FRMPD4: variants seen among roughly 807,000 people sequenced by gnomAD.
The protein encoded by FRMPD4 is FERM and PDZ domain containing 4, also known as FERM and PDZ domain-containing protein 4.
FRMPD4 carries 22 observed loss-of-function variants against 94.1 expected under a neutral mutation model. The observed-to-expected ratio is 0.23, with a 90% CI of 0.17 to 0.33. The LOEUF is 0.33. Among genes scored for constraint, FRMPD4 ranks in the 10% least tolerant of loss-of-function variants. The pLI is 1.00. For synonymous variants in FRMPD4, 631 were observed against 548.6 expected (o/e 1.15, Z -2.10); for missense variants, 1,111 against 1,339.9 (o/e 0.83, Z 2.67).
intron 1 of FRMPD4, among the ~76,000 whole-genome samples, chrX:12,144,857 G>A (rs914886167): frequency 1.8e-5 from 2 of 108,769 alleles, no homozygotes; most frequent in Non-Finnish European, 3.8e-5. Context: ...CTGTTTTACT[G>A]CTTTAAGCTC....
intron 4 of FRMPD4, among the ~76,000 whole-genome samples, chrX:12,660,124 C>T (rs2059699422): frequency 8.9e-6 from 1 of 112,216 alleles, no homozygotes; most frequent in Admixed American, 9.5e-5. Context: ...GCCTTAAATG[C>T]ATTCAGTAAA....
chrX:12,334,609 TG>T (rs1438168353), intron 1 of FRMPD4, among the ~76,000 whole-genome samples: 2 of 98,926 alleles, frequency 2.0e-5, no homozygotes, highest in African/African-American at 9.3e-5. Context: ...TCTTCATTGG[TG>T]AAAAAAAAAA....
At chrX:11,983,870 A>G (rs1457645498) in intron 3 of FRMPD4, among the ~76,000 whole-genome samples, 2 of 112,207 alleles carry the variant, frequency 1.8e-5, no homozygotes, top group African/African-American at 6.5e-5. Flanking sequence ...ACCTATACTA[A>G]AAAAAAGTTC....
chrX:12,631,080 A>G (rs924512960), intron 4 of FRMPD4, among the ~76,000 whole-genome samples: 6 of 111,405 alleles, frequency 5.4e-5, no homozygotes, highest in Admixed American at 1.9e-4. Context: ...GTTTTACAAA[A>G]GAGGTGTACA....
intron 2 of FRMPD4, among the ~76,000 whole-genome samples, chrX:11,872,023 G>A (rs1270070715): frequency 8.9e-6 from 1 of 112,084 alleles, no homozygotes; most frequent in South Asian, 3.7e-4. Context: ...GATAGGAAGG[G>A]AAGATTGATA....
At chrX:12,272,571 C>T (rs962783082) in intron 1 of FRMPD4, among the ~76,000 whole-genome samples, 1 of 111,773 alleles carries the variant, frequency 8.9e-6, no homozygotes, top group Non-Finnish European at 1.9e-5. Context: ...GTTTCTACAA[C>T]CTTTTATTAA....
intron 12 of FRMPD4, 133 bp downstream of exon 12, chrX:12,707,048 A>C (rs992555055): frequency 3.5e-5 from 14 of 400,520 alleles, no homozygotes; most frequent in Non-Finnish European, 6.1e-5. Flanking sequence ...CAACAGTCTG[A>C]AAATATCAGA....
intron 1 of FRMPD4, among the ~76,000 whole-genome samples, chrX:12,416,269 C>T (rs746901746): frequency 5.6e-4 from 62 of 110,254 alleles, no homozygotes; most frequent in Non-Finnish European, 1.0e-3. Flanking sequence ...GAGCAAGGAC[C>T]ACAAAGCAGC....
chrX:12,295,725 G>T (rs2054761734), intron 1 of FRMPD4, among the ~76,000 whole-genome samples: 2 of 111,710 alleles, frequency 1.8e-5, no homozygotes, highest in Admixed American at 9.5e-5. Flanking sequence ...AGGAGAGTTT[G>T]CATTTCTGTA....
At chrX:12,018,249 T>A (rs2054614362) in intron 3 of FRMPD4, among the ~76,000 whole-genome samples, 1 of 110,679 alleles carries the variant, frequency 9.0e-6, no homozygotes, top group South Asian at 3.9e-4. Context: ...AAAATCTGTA[T>A]CATGCCTTTC....
chrX:11,871,576 A>C (rs1327997904), intron 2 of FRMPD4, among the ~76,000 whole-genome samples: 1 of 112,740 alleles, frequency 8.9e-6, no homozygotes, highest in Non-Finnish European at 1.9e-5. Flanking sequence ...GTTTACTTGA[A>C]ATTCAAACAT....
intron 4 of FRMPD4, among the ~76,000 whole-genome samples, chrX:12,627,802 G>A (rs1262953081): frequency 9.0e-6 from 1 of 111,504 alleles, no homozygotes; most frequent in African/African-American, 3.3e-5. Flanking sequence ...TTAAATTAGG[G>A]CATGTTTTCA....
chrX:12,479,575 C>T (rs1255036645), intron 1 of FRMPD4, among the ~76,000 whole-genome samples: 1 of 106,602 alleles, frequency 9.4e-6, no homozygotes, highest in South Asian at 4.1e-4. Context: ...AATCATGGCT[C>T]ACTGCAGCCT....
At chrX:11,991,207 C>A (rs1368405678) in intron 3 of FRMPD4, among the ~76,000 whole-genome samples, 1 of 111,769 alleles carries the variant, frequency 8.9e-6, no homozygotes, top group Non-Finnish European at 1.9e-5. Context: ...TCTGCTTATA[C>A]TCAGTGACAG....
intron 1 of FRMPD4, among the ~76,000 whole-genome samples, chrX:12,418,257 T>A (rs1246724313): frequency 1.8e-5 from 2 of 109,505 alleles, no homozygotes; most frequent in East Asian, 5.7e-4. Flanking sequence ...GTGGACTGGC[T>A]AGTGCATGAA....
chrX:12,557,887 C>T (rs1030917), intron 2 of FRMPD4, among the ~76,000 whole-genome samples: 33,446 of 110,584 alleles, frequency 0.3, 4,222 homozygotes, highest in African/African-American at 0.48. Context: ...TGGAAGCCTT[C>T]TAGGGATCTG....
At chrX:12,579,934 A>G (rs770850345) in intron 2 of FRMPD4, among the ~76,000 whole-genome samples, 1 of 112,689 alleles carries the variant, frequency 8.9e-6, no homozygotes, top group Non-Finnish European at 1.9e-5. Flanking sequence ...CTATTGGAAT[A>G]GGTTAAAAGT....
chrX:11,920,383 C>T (rs5979487), intron 3 of FRMPD4, among the ~76,000 whole-genome samples: 9 of 111,928 alleles, frequency 8.0e-5, no homozygotes, highest in African/African-American at 2.6e-4. Context: ...CCTGCAGCCT[C>T]TGCCCTTCCT....
At chrX:11,839,685 G>A (rs1469348060) in intron 1 of FRMPD4, among the ~76,000 whole-genome samples, 5 of 111,345 alleles carry the variant, frequency 4.5e-5, no homozygotes, top group Non-Finnish European at 9.5e-5. Context: ...TTACATTTAG[G>A]TCTAGGATAT....
Sources: gnomAD v4.1 joint callset for allele counts (sites outside exome capture counted in the v4.1 genomes callset) on GRCh38, gnomAD v4.1.1 for gene constraint, MANE v1.5 for transcripts, NCBI Gene and HGNC (gene_info 2026-07-23, HGNC 2026-07-21) for gene names.